MIGA1: variants seen among roughly 807,000 people sequenced by gnomAD.
MIGA1 encodes the protein mitoguardin 1, also known as family with sequence similarity 73, member A.
MIGA1 carries 58 observed loss-of-function variants against 82.0 expected under a neutral mutation model. That is an observed-to-expected ratio of 0.71 (90% CI 0.57 to 0.88). MIGA1 has a LOEUF of 0.88. Ranked by LOEUF, MIGA1 falls within the 40% of genes least tolerant of loss-of-function variation. The probability of loss-of-function intolerance (pLI) is 0.00; values close to 1 mark genes in which losing one functional copy is unlikely to be tolerated. For synonymous variants in MIGA1, 249 were observed against 253.6 expected, an observed-to-expected ratio of 0.98 and a Z score of 0.17; for missense variants, 751 against 749.1, an observed-to-expected ratio of 1.00 and a Z score of -0.03.
chr1:77,814,339 A>G (rs929051798), intron 6 of MIGA1, among the ~76,000 whole-genome samples: 13 of 152,168 alleles, frequency 8.5e-5, no homozygotes, highest in African/African-American at 2.9e-4. Flanking sequence ...CCATTCATCA[A>G]GTTTATTGAC....
At chr1:77,809,905 A>T (rs936151109) in intron 5 of MIGA1, among the ~76,000 whole-genome samples, 1 of 150,744 alleles carries the variant, frequency 6.6e-6, no homozygotes, top group Admixed American at 6.6e-5. Flanking sequence ...CTACCTATAT[A>T]AAAAAAATAG....
Position 77,873,042 on chromosome 1 carries a change from T to G in MIGA1, c.1602T>G (p.Cys534Trp). The G allele has an allele frequency of 6.2e-7, 1 of 1,614,090 alleles. No homozygotes were observed. Among genetic ancestry groups the G allele is most frequent in the Non-Finnish European group, 8.5e-7 (1 of 1,179,974 alleles). Residue 534 changes from cysteine (C) to tryptophan (W), a missense_variant, in exon 15 of 16, where the codon TGT (cysteine) becomes TGG (tryptophan). Around this residue, in one of 3 missense-constraint regions of MIGA1, gnomAD observed 265 missense variants for 293.6 expected, o/e 0.90. Transcript: ENST00000370791. Reference sequence around the variant, plus strand: ...TTTTTGCCCATTTTTATGCCATTTGTGAACACATCAGTCCTGTCCTAGCCT... The same window carrying G: ...TTTTTGCCCATTTTTATGCCATTTGGGAACACATCAGTCCTGTCCTAGCCT...
intron 1 of MIGA1, among the ~76,000 whole-genome samples, chr1:77,780,908 C>CTTTTTTTTTTTTTTTTTTTT (rs1351911649): frequency 7.5e-6 from 1 of 133,246 alleles, no homozygotes; most frequent in African/African-American, 2.7e-5. Flanking sequence ...TTTCTTTTTT[C>CTTTTTTTTTTTTTTTTTTTT]TTTTTTTTTT....
intron 7 of MIGA1, among the ~76,000 whole-genome samples, chr1:77,829,635 A>AT (rs372168080): frequency 0.069 from 10,498 of 151,652 alleles, 462 homozygotes; most frequent in East Asian, 0.12. Context: ...CGCCCAGCTA[A>AT]TTTTTTTGTA....
intron 7 of MIGA1, among the ~76,000 whole-genome samples, chr1:77,825,261 C>T (rs1288734351): frequency 6.6e-6 from 1 of 152,152 alleles, no homozygotes; most frequent in Non-Finnish European, 1.5e-5. Context: ...CCGCCTCAGC[C>T]TCCCAAAGTG....
intron 4 of MIGA1, among the ~76,000 whole-genome samples, chr1:77,804,710 A>G (rs1343334535): frequency 3.3e-5 from 5 of 151,310 alleles, no homozygotes; most frequent in Admixed American, 6.6e-5. Context: ...GCTCATTGCA[A>G]CCTCCACCTC....
At chr1:77,836,875 G>A (rs1684443617) in intron 7 of MIGA1, among the ~76,000 whole-genome samples, 1 of 152,104 alleles carries the variant, frequency 6.6e-6, no homozygotes, top group South Asian at 2.1e-4. Flanking sequence ...GAAAGCTTTG[G>A]AAACCAATAG....
chr1:77,858,274 G>A (rs1685336803), intron 8 of MIGA1, among the ~76,000 whole-genome samples: 1 of 151,958 alleles, frequency 6.6e-6, no homozygotes, highest in Non-Finnish European at 1.5e-5. Context: ...TTTAACCTGG[G>A]CGATGGAGGC....
At chr1:77,807,367 G>A (rs1297942250) in intron 5 of MIGA1, among the ~76,000 whole-genome samples, 1 of 152,030 alleles carries the variant, frequency 6.6e-6, no homozygotes, top group Non-Finnish European at 1.5e-5. Flanking sequence ...GTTTTGTCAT[G>A]TTGCCAGGTT....
intron 1 of MIGA1, among the ~76,000 whole-genome samples, chr1:77,781,424 AT>A (rs1355596788): frequency 6.6e-6 from 1 of 152,206 alleles, no homozygotes; most frequent in East Asian, 1.9e-4. Context: ...ATGTGTTAAT[AT>A]TTAGGGAGGG....
chr1:77,791,007 G>T (rs1230639427), intron 2 of MIGA1, among the ~76,000 whole-genome samples: 1 of 151,996 alleles, frequency 6.6e-6, no homozygotes, highest in African/African-American at 2.4e-5. Context: ...CCAGCACTTT[G>T]GCTGGCAGGA....
At chr1:77,834,145 T>A (rs912281023) in intron 7 of MIGA1, among the ~76,000 whole-genome samples, 4 of 152,214 alleles carry the variant, frequency 2.6e-5, no homozygotes, top group African/African-American at 9.6e-5. Context: ...TCTTTTTTTT[T>A]ATTATTCCCA....
intron 7 of MIGA1, among the ~76,000 whole-genome samples, chr1:77,841,252 T>A (rs1187728717): frequency 1.3e-5 from 2 of 152,112 alleles, no homozygotes; most frequent in Non-Finnish European, 2.9e-5. Context: ...TTTAAAAGGA[T>A]TGATGTAAAC....
At chr1:77,838,515 T>C (rs1684513051) in intron 7 of MIGA1, among the ~76,000 whole-genome samples, 1 of 152,100 alleles carries the variant, frequency 6.6e-6, no homozygotes, top group South Asian at 2.1e-4. Flanking sequence ...TGGTGCGATC[T>C]CAGCTCACTG....
intron 1 of MIGA1, chr1:77,780,027 A>G (rs928832843): frequency 1.9e-5 from 22 of 1,176,916 alleles, no homozygotes; most frequent in Non-Finnish European, 2.2e-5. Context: ...CTGCAAAGGA[A>G]GCGCGGAATT....
At chr1:77,860,848 C>A in intron 11 of MIGA1, 1 of 181,160 alleles carries the variant, frequency 5.5e-6, no homozygotes. Flanking sequence ...TCTTGTGTTG[C>A]TTTCTTGGCC....
intron 2 of MIGA1, among the ~76,000 whole-genome samples, chr1:77,797,909 C>A (rs1230298113): frequency 2.0e-5 from 3 of 152,096 alleles, no homozygotes; most frequent in Non-Finnish European, 4.4e-5. Context: ...TTTACTTCTT[C>A]CTTTCTAATA....
In MIGA1 at chr1:77,838,834, G is replaced by A. The variant is rs373611115; in HGVS notation, c.896-4473G>A. ...TTTTGCATGAGTGAATTTAATAATA[G>A]TTTTTCATTATGAATGAATTCTGCA... On this transcript the variant is annotated intron_variant, in intron 7 of 15. Transcript: ENST00000370791. Among the ~76,000 whole-genome samples the A allele has an allele frequency of 3.3e-5, 5 of 152,150 alleles. No individual in the cohort carries two copies. The South Asian group carries it at 8.3e-4, about 25-fold the overall frequency.
At chr1:77,834,801 C>T (rs1684367898) in intron 7 of MIGA1, among the ~76,000 whole-genome samples, 1 of 152,098 alleles carries the variant, frequency 6.6e-6, no homozygotes, top group African/African-American at 2.4e-5. Flanking sequence ...CTCATCTTGT[C>T]GACAGCAGAA....
Sources: allele counts gnomAD v4.1 joint callset (sites outside exome capture counted in the v4.1 genomes callset), GRCh38; gene constraint gnomAD v4.1.1; regional missense constraint gnomAD v4.1.1; transcripts MANE v1.5; gene names NCBI Gene and HGNC (gene_info 2026-07-23, HGNC 2026-07-21).